DTWD2: variants seen among roughly 807,000 people sequenced by gnomAD.
DTWD2 encodes the protein tRNA-uridine aminocarboxypropyltransferase 2.
Under a neutral mutation model 31.8 loss-of-function variants are expected in DTWD2, and 39 were observed. The observed-to-expected ratio is 1.22, with a 90% confidence interval of 0.95 to 1.60. DTWD2 has a LOEUF of 1.60. DTWD2 is among the 40% of genes most tolerant of loss of function. The pLI is 0.00. For missense variants in DTWD2, 515 were observed against 381.5 expected, an observed-to-expected ratio of 1.35 and a Z score of -2.92; for synonymous variants, 180 against 142.8, an observed-to-expected ratio of 1.26 and a Z score of -1.86.
In DTWD2 at chr5:118,928,716, A is replaced by C. The variant is rs751477435; in HGVS notation, c.418T>G (p.Ser140Ala). 1.3e-6 allele frequency: 2 copies of C among 1,572,576 alleles called. No individual in the cohort carries two copies. Among genetic ancestry groups the C allele is most frequent in the Admixed American group, 3.7e-5 (2 of 54,490 alleles). The change falls in exon 4 of 6, where the codon TCA becomes GCA. Residue 140 changes from serine to alanine, a missense_variant. Ser to Ala is a moderately conservative substitution (Grantham distance 99). Transcript: ENST00000510708. The part of the protein sequence containing the change: ...RFSEERDPEL[S>A]TVCRKSGTLI... ...GTACCAGACTTCCGGCAAACAGTTG[A>C]AAGTTCAGGATCTCTGAAAAAGTTT...
intron 4 of DTWD2, among the ~76,000 whole-genome samples, chr5:118,888,655 T>A (rs1054010172): frequency 1.3e-5 from 2 of 152,240 alleles, no homozygotes; most frequent in African/African-American, 4.8e-5. Context: ...GTTACCTGCA[T>A]ATTTAACTTT....
At chr5:118,857,092 G>T (rs1179716524) in intron 4 of DTWD2, among the ~76,000 whole-genome samples, 1 of 151,678 alleles carries the variant, frequency 6.6e-6, no homozygotes, top group Non-Finnish European at 1.5e-5. Flanking sequence ...GATTTTTACT[G>T]TTCATGTTAT....
intron 4 of DTWD2, among the ~76,000 whole-genome samples, chr5:118,922,186 T>G (rs1022323366): frequency 6.6e-6 from 1 of 152,210 alleles, no homozygotes; most frequent in African/African-American, 2.4e-5. Flanking sequence ...CTGGATATAT[T>G]AGAATTCAAA....
intron 1 of DTWD2, among the ~76,000 whole-genome samples, chr5:118,964,577 T>C (rs780342655): frequency 6.6e-6 from 1 of 152,248 alleles, no homozygotes. Flanking sequence ...ATGCCTGCGA[T>C]TGCAGGCGCG....
intron 4 of DTWD2, among the ~76,000 whole-genome samples, chr5:118,879,511 G>A (rs1163734941): frequency 6.6e-6 from 1 of 151,092 alleles, no homozygotes; most frequent in Non-Finnish European, 1.5e-5. Context: ...TTGGTAGGCT[G>A]AGGCAGGAGA....
intron 1 of DTWD2, among the ~76,000 whole-genome samples, chr5:118,985,469 A>G (rs993450633): frequency 1.7e-5 from 2 of 119,720 alleles, no homozygotes; most frequent in African/African-American, 5.4e-5. Context: ...CAAGAAAAAG[A>G]CCACATGCTT....
chr5:118,902,801 C>A (rs1227470804), intron 4 of DTWD2, among the ~76,000 whole-genome samples: 1 of 151,986 alleles, frequency 6.6e-6, no homozygotes, highest in Non-Finnish European at 1.5e-5. Flanking sequence ...CCATATGGAT[C>A]TTGAGATGTG....
chr5:118,843,901 T>C lies in DTWD2; in HGVS notation c.727-2814A>G, dbSNP rs1447298694. On this transcript the variant is annotated intron_variant, in intron 5 of 5. Coordinates refer to ENST00000510708, the MANE Select transcript of DTWD2 (RefSeq NM_173666.4). ...CTTTTCAAATTTAGGCACAGCCATA[T>C]AACTTGCTTTGGTTAATGAAATGTG... 3.3e-5 allele frequency among the ~76,000 whole-genome samples: 5 copies of C among 152,340 alleles called. 1 individual carries two copies. In the South Asian group the frequency reaches 6.2e-4, roughly 19 times the overall value.
intron 1 of DTWD2, among the ~76,000 whole-genome samples, chr5:118,967,565 C>T (rs886981728): frequency 1.3e-5 from 2 of 152,008 alleles, no homozygotes; most frequent in Non-Finnish European, 1.5e-5. Context: ...GTTCCAGGAA[C>T]CAACCTGAAA....
chr5:118,979,104 A>T (rs1368386968), intron 1 of DTWD2, among the ~76,000 whole-genome samples: 1 of 152,078 alleles, frequency 6.6e-6, no homozygotes, highest in Non-Finnish European at 1.5e-5. Flanking sequence ...GGAGATCAAG[A>T]CCATCCTGGC....
chr5:118,946,757 A>C (rs1364667321), intron 1 of DTWD2, among the ~76,000 whole-genome samples: 3 of 152,166 alleles, frequency 2.0e-5, no homozygotes, highest in East Asian at 1.9e-4. Context: ...AACAAACAAA[A>C]AAAAACAGAA....
intron 2 of DTWD2, among the ~76,000 whole-genome samples, chr5:118,941,033 T>G (rs17381247): frequency 0.094 from 14,372 of 152,162 alleles, 750 homozygotes; most frequent in Middle Eastern, 0.19. Context: ...ACCTACTCTT[T>G]GAAATGCTCC....
rs984841657 is a variant in DTWD2, at chr5:118,889,932, A to G, written c.597+38605T>C. Among the ~76,000 whole-genome samples the G allele has an allele frequency of 3.3e-5, 5 of 152,326 alleles. No homozygotes were observed. In the East Asian group the frequency reaches 9.6e-4, roughly 29 times the overall value. On this transcript the variant is annotated intron_variant, in intron 4 of 5. Coordinates refer to ENST00000510708, the MANE Select transcript of DTWD2 (RefSeq NM_173666.4). ...CATTCTGTTACAATCTGGTAATAAT[A>G]TAATACAAAGTAAAATCTATTAACC... is the stretch of plus-strand genomic sequence containing the variant.
At chr5:118,965,020 G>A (rs1193440246) in intron 1 of DTWD2, among the ~76,000 whole-genome samples, 5 of 146,062 alleles carry the variant, frequency 3.4e-5, no homozygotes, top group Non-Finnish European at 7.5e-5. Context: ...GCCGCCCATC[G>A]TCTGAGATGT....
In DTWD2 at chr5:118,888,642, CAT is replaced by C. The variant is rs1215493493; in HGVS notation, c.597+39893_597+39894del. ...ATCTAGGAGTGAAATGGCTGGATCA[CAT>C]GTTACCTGCATATTTAACTTTTCAA... On this transcript the variant is annotated intron_variant, in intron 4 of 5. Coordinates refer to ENST00000510708, the MANE Select transcript of DTWD2 (RefSeq NM_173666.4). Among the ~76,000 whole-genome samples the C allele has an allele frequency of 4.6e-5, 7 of 152,286 alleles. No homozygotes were observed. In the East Asian group the frequency reaches 5.8e-4, roughly 13 times the overall value.
At chr5:118,852,370 A>G (rs1752030397) in intron 4 of DTWD2, among the ~76,000 whole-genome samples, 1 of 147,218 alleles carries the variant, frequency 6.8e-6, no homozygotes, top group African/African-American at 2.7e-5. Context: ...AGATTAAAGT[A>G]AGACAGGTGT....
At chr5:118,907,368 T>C (rs1289349704) in intron 4 of DTWD2, among the ~76,000 whole-genome samples, 4 of 152,124 alleles carry the variant, frequency 2.6e-5, no homozygotes, top group Non-Finnish European at 4.4e-5. Flanking sequence ...GAAAGAGATT[T>C]CTTATAAGGA....
intron 4 of DTWD2, among the ~76,000 whole-genome samples, chr5:118,865,647 T>A (rs1484273523): frequency 6.6e-6 from 1 of 152,158 alleles, no homozygotes; most frequent in East Asian, 1.9e-4. Flanking sequence ...AGCGACTATA[T>A]CTCAAGGAAA....
Position 118,914,969 on chromosome 5 carries a change from A to G in DTWD2, c.597+13568T>C, listed in dbSNP as rs200090040. Among the ~76,000 whole-genome samples, 4 of 152,320 alleles carry G rather than the reference A, an allele frequency of 2.6e-5. No individual in the cohort carries two copies. In the East Asian group the frequency reaches 7.7e-4, roughly 29 times the overall value. Reference sequence around the variant, plus strand: ...AATTTAATTTTTCTGGCTCACGCCTATAATCCCAGCACTGTGGGAGGCTAA... The same window carrying G: ...AATTTAATTTTTCTGGCTCACGCCTGTAATCCCAGCACTGTGGGAGGCTAA... On this transcript the variant is annotated intron_variant, in intron 4 of 5. Coordinates refer to ENST00000510708, the MANE Select transcript of DTWD2 (RefSeq NM_173666.4).
Sources: gnomAD v4.1 joint callset for allele counts (sites outside exome capture counted in the v4.1 genomes callset) on GRCh38, gnomAD v4.1.1 for gene constraint, MANE v1.5 for transcripts, NCBI Gene and HGNC (gene_info 2026-07-23, HGNC 2026-07-21) for gene names.